PTPRG: variants seen among roughly 807,000 people sequenced by gnomAD.
PTPRG encodes receptor-type tyrosine-protein phosphatase gamma.
PTPRG carries 102 observed loss-of-function variants against 165.3 expected under a neutral mutation model. The ratio of observed to expected loss-of-function variants is 0.62; its 90% CI spans 0.53 to 0.73. The LOEUF is 0.73. Ranked by LOEUF, PTPRG falls within the 30% of genes least tolerant of loss-of-function variation. The pLI, the probability that PTPRG is intolerant of heterozygous loss-of-function variation, is 0.00. For missense variants in PTPRG, 1,866 were observed against 1,861.4 expected (o/e 1.00, Z -0.05); for synonymous variants, 675 against 669.5 (o/e 1.01, Z -0.13).
chr3:61,950,371 G>A (rs2039870418), intron 2 of PTPRG, among the ~76,000 whole-genome samples: 1 of 152,168 alleles, frequency 6.6e-6, no homozygotes, highest in Non-Finnish European at 1.5e-5. Flanking sequence ...GAACTTCTGG[G>A]AGTTCCAGTC....
At chr3:61,945,662 A>G (rs914720358) in intron 2 of PTPRG, among the ~76,000 whole-genome samples, 12 of 152,146 alleles carry the variant, frequency 7.9e-5, no homozygotes, top group African/African-American at 2.2e-4. Flanking sequence ...TACATCTACA[A>G]ATTTTTCTGG....
chr3:61,699,956 C>G (rs549009919), intron 1 of PTPRG, among the ~76,000 whole-genome samples: 19 of 152,276 alleles, frequency 1.2e-4, no homozygotes, highest in African/African-American at 4.1e-4. Flanking sequence ...AGAGGGTTTT[C>G]AAGAACAAAT....
intron 1 of PTPRG, among the ~76,000 whole-genome samples, chr3:61,598,693 G>A (rs531007344): frequency 3.9e-5 from 6 of 152,248 alleles, no homozygotes; most frequent in African/African-American, 1.4e-4. Context: ...AGTCTGGGTG[G>A]CTTTAACAAT....
chr3:61,926,601 C>T (rs1233054169), intron 2 of PTPRG, among the ~76,000 whole-genome samples: 20 of 131,976 alleles, frequency 1.5e-4, no homozygotes, highest in African/African-American at 5.9e-4. Context: ...CCCTCCCTCC[C>T]TCCCTCCCTC....
intron 6 of PTPRG, among the ~76,000 whole-genome samples, chr3:62,140,510 G>C (rs1402660131): frequency 6.6e-6 from 1 of 152,236 alleles, no homozygotes; most frequent in Non-Finnish European, 1.5e-5. Context: ...TGTGAGAACA[G>C]GTCCATCCAC....
chr3:61,697,280 A>T (rs1328083051), intron 1 of PTPRG, among the ~76,000 whole-genome samples: 1 of 152,112 alleles, frequency 6.6e-6, no homozygotes, highest in Non-Finnish European at 1.5e-5. Context: ...CCGAAGTCTC[A>T]TACTTCGGCA....
intron 2 of PTPRG, among the ~76,000 whole-genome samples, chr3:61,883,350 G>T (rs1340728351): frequency 6.6e-6 from 1 of 152,088 alleles, no homozygotes; most frequent in Non-Finnish European, 1.5e-5. Flanking sequence ...GTTTCTGTGT[G>T]CCCTTCCCTG....
chr3:62,129,080 G>T (rs1703419277), intron 5 of PTPRG, among the ~76,000 whole-genome samples: 1 of 152,082 alleles, frequency 6.6e-6, no homozygotes, highest in Non-Finnish European at 1.5e-5. Flanking sequence ...TTAACCACCA[G>T]TGAAGACGAT....
At chr3:61,596,349 A>G (rs1180084501) in intron 1 of PTPRG, among the ~76,000 whole-genome samples, 1 of 152,236 alleles carries the variant, frequency 6.6e-6, no homozygotes, top group East Asian at 1.9e-4. Flanking sequence ...CAACATACAT[A>G]TTCATTTATA....
chr3:62,268,620 A>G (rs1701961951), intron 19 of PTPRG, among the ~76,000 whole-genome samples: 1 of 152,134 alleles, frequency 6.6e-6, no homozygotes, highest in Admixed American at 6.6e-5. Context: ...TTACAATAAG[A>G]AGAGTCTCAC....
intron 1 of PTPRG, among the ~76,000 whole-genome samples, chr3:61,613,005 C>A (rs541041268): frequency 6.6e-6 from 1 of 152,104 alleles, no homozygotes; most frequent in South Asian, 2.1e-4. Flanking sequence ...TCACCTTCGA[C>A]GAGAAATGCT....
At chr3:62,021,783 G>A (rs1373335485) in intron 4 of PTPRG, among the ~76,000 whole-genome samples, 1 of 151,464 alleles carries the variant, frequency 6.6e-6, no homozygotes, top group Non-Finnish European at 1.5e-5. Flanking sequence ...GCAATATATG[G>A]GTTCCTAATA....
intron 2 of PTPRG, among the ~76,000 whole-genome samples, chr3:61,787,315 G>A (rs1306364203): frequency 6.6e-6 from 1 of 152,146 alleles, no homozygotes; most frequent in East Asian, 1.9e-4. Flanking sequence ...CCGGAAACAA[G>A]AGAAACTCCA....
intron 2 of PTPRG, among the ~76,000 whole-genome samples, chr3:61,930,492 C>G (rs1023570036): frequency 2.0e-5 from 3 of 152,168 alleles, no homozygotes; most frequent in African/African-American, 7.2e-5. Context: ...TGTAGACCTG[C>G]ATCTTATGTG....
intron 1 of PTPRG, among the ~76,000 whole-genome samples, chr3:61,618,152 T>C (rs1024591314): frequency 6.6e-6 from 1 of 152,198 alleles, no homozygotes; most frequent in African/African-American, 2.4e-5. Flanking sequence ...TAATAGTGGC[T>C]GGAATACAGG....
chr3:61,709,383 C>G (rs933224019), intron 1 of PTPRG, among the ~76,000 whole-genome samples: 5 of 152,098 alleles, frequency 3.3e-5, no homozygotes, highest in Non-Finnish European at 5.9e-5. Flanking sequence ...GGCGCAATCT[C>G]AGTTTACTGC....
intron 1 of PTPRG, among the ~76,000 whole-genome samples, chr3:61,718,438 A>G (rs1338790071): frequency 6.6e-6 from 1 of 152,074 alleles, no homozygotes; most frequent in Non-Finnish European, 1.5e-5. Flanking sequence ...ACTTTAACAC[A>G]TACTTGGCTT....
intron 2 of PTPRG, among the ~76,000 whole-genome samples, chr3:61,861,213 A>G (rs1251787438): frequency 6.6e-6 from 1 of 152,200 alleles, no homozygotes; most frequent in African/African-American, 2.4e-5. Context: ...AGCCTGTATT[A>G]TGATAGTTTC....
intron 1 of PTPRG, among the ~76,000 whole-genome samples, chr3:61,726,356 G>A (rs1173508006): frequency 6.6e-6 from 1 of 152,088 alleles, no homozygotes; most frequent in African/African-American, 2.4e-5. Flanking sequence ...ATGGGTTAAT[G>A]GTTGAAAATA....
Sources: allele counts gnomAD v4.1 joint callset (sites outside exome capture counted in the v4.1 genomes callset), GRCh38; gene constraint gnomAD v4.1.1; transcripts MANE v1.5; gene names NCBI Gene and HGNC (gene_info 2026-07-23, HGNC 2026-07-21).